Variants in SNX29 observed in about 807,000 individuals in gnomAD.
The protein encoded by SNX29 is sorting nexin 29.
Under a neutral mutation model 102.1 loss-of-function variants are expected in SNX29, and 78 were observed. The ratio of observed to expected loss-of-function variants is 0.76; its 90% CI spans 0.64 to 0.92. The LOEUF is 0.92. SNX29 is among the 40% of genes least tolerant of loss of function. The pLI is 0.00. For synonymous variants in SNX29, 580 were observed against 414.5 expected (o/e 1.40, Z -4.85); for missense variants, 1,280 against 1,061.7 (o/e 1.21, Z -2.86).
At chr16:12,526,828 C>G (rs1597745149) in intron 20 of SNX29, 1 of 403,902 alleles carries the variant, frequency 2.5e-6, no homozygotes, top group African/African-American at 2.0e-5. Flanking sequence ...CCAGTGTTTC[C>G]CAAACATTCG....
intron 18 of SNX29, among the ~76,000 whole-genome samples, chr16:12,455,197 G>C (rs896997942): frequency 9.9e-5 from 15 of 152,056 alleles, no homozygotes; most frequent in African/African-American, 3.6e-4. Flanking sequence ...GCTCCAAGAC[G>C]CCCTTCTCCT....
intron 2 of SNX29, among the ~76,000 whole-genome samples, chr16:11,999,718 A>G (rs867957951): frequency 4.6e-5 from 7 of 152,122 alleles, no homozygotes; most frequent in Non-Finnish European, 8.8e-5. Flanking sequence ...CCTGGCCAAC[A>G]TGGTGAAACC....
At chr16:12,026,004 G>C (rs2057180669) in intron 3 of SNX29, among the ~76,000 whole-genome samples, 1 of 152,182 alleles carries the variant, frequency 6.6e-6, no homozygotes, top group South Asian at 2.1e-4. Flanking sequence ...TTGATGAGAA[G>C]AGTAAAATAA....
intron 15 of SNX29, 110 bp downstream of exon 15, chr16:12,278,146 A>G (rs2079314549): frequency 3.5e-6 from 3 of 848,352 alleles, no homozygotes; most frequent in African/African-American, 3.4e-5. Flanking sequence ...CGACCAAGCA[A>G]CTCCTCAGCC....
chr16:12,472,529 C>CAAAAAAAAAAAAAACAA (rs1488378675), intron 18 of SNX29, among the ~76,000 whole-genome samples: 1 of 72,938 alleles, frequency 1.4e-5, no homozygotes, highest in African/African-American at 4.2e-5. Context: ...AAAAAAAAAC[C>CAAAAAAAAAAAAAACAA]AAAAAAAAAA....
chr16:12,557,016 C>CA (rs1555458246), intron 20 of SNX29, among the ~76,000 whole-genome samples: 3,084 of 11,496 alleles, frequency 0.27, 232 homozygotes, highest in South Asian at 0.46. Context: ...GGCTAATTTA[C>CA]CCCCCCCCCG....
chr16:12,069,955 G>GGCGAGA (rs200163428), intron 10 of SNX29, among the ~76,000 whole-genome samples: 2 of 151,702 alleles, frequency 1.3e-5, no homozygotes, highest in African/African-American at 4.8e-5. Flanking sequence ...TGGGATTACA[G>GGCGAGA]GCCACCGTGC....
intron 19 of SNX29, among the ~76,000 whole-genome samples, chr16:12,509,736 TAGTG>T (rs1169426814): frequency 6.6e-6 from 1 of 152,070 alleles, no homozygotes; most frequent in African/African-American, 2.4e-5. Flanking sequence ...CTGAGCAACA[TAGTG>T]AGAGCTTGCC....
chr16:12,111,769 C>T lies in SNX29; in HGVS notation c.1403-14864C>T, dbSNP rs541790148. The stretch of plus-strand genomic sequence containing the variant: ...TGGTTTAGGAAAGCCTGAGTGAGAG[C>T]GAGAGATCTTCAGGAGGCTGCTGGG... On this transcript the variant is annotated intron_variant, in intron 11 of 20. Coordinates refer to ENST00000566228, the MANE Select transcript of SNX29 (RefSeq NM_032167.5). Among the ~76,000 whole-genome samples the T allele has an allele frequency of 1.2e-4, 18 of 152,190 alleles. 1 individual carries two copies. In the East Asian group the frequency reaches 3.1e-3, roughly 26 times the overall value.
intron 20 of SNX29, chr16:12,546,252 C>G (rs901320974): frequency 6.6e-6 from 1 of 152,150 alleles, no homozygotes; most frequent in African/African-American, 2.4e-5. Context: ...TCTTTTCGAC[C>G]CTTCGTACAA....
intron 18 of SNX29, among the ~76,000 whole-genome samples, chr16:12,450,590 T>C (rs1019749063): frequency 1.3e-5 from 2 of 152,038 alleles, no homozygotes; most frequent in Non-Finnish European, 2.9e-5. Flanking sequence ...ACACACGGTG[T>C]GAGAGAAGGG....
chr16:12,476,351 CAAAAAAAAAA>C (rs150729550), intron 18 of SNX29, among the ~76,000 whole-genome samples: 11 of 9,046 alleles, frequency 1.2e-3, no homozygotes, highest in East Asian at 3.6e-3. Flanking sequence ...CGACATTTCT[CAAAAAAAAAA>C]AAAAAAAAAA....
At chr16:12,493,211 T>G (rs1009817387) in intron 19 of SNX29, among the ~76,000 whole-genome samples, 10 of 152,226 alleles carry the variant, frequency 6.6e-5, no homozygotes, top group Non-Finnish European at 1.2e-4. Context: ...TTTATTTCCT[T>G]GAGCAGTGGT....
chr16:11,997,236 T>A (rs1404174410), intron 1 of SNX29, among the ~76,000 whole-genome samples: 1 of 152,142 alleles, frequency 6.6e-6, no homozygotes, highest in Non-Finnish European at 1.5e-5. Flanking sequence ...GCCAAGCTTG[T>A]CCTACCTCCG....
At chr16:12,204,366 G>A (rs1015453903) in intron 14 of SNX29, among the ~76,000 whole-genome samples, 1 of 152,154 alleles carries the variant, frequency 6.6e-6, no homozygotes, top group African/African-American at 2.4e-5. Flanking sequence ...GTTCGTCCTT[G>A]TAAAGGGCGA....
intron 14 of SNX29, among the ~76,000 whole-genome samples, chr16:12,220,930 G>T (rs532344315): frequency 1.9e-4 from 29 of 152,268 alleles, no homozygotes; most frequent in Non-Finnish European, 4.3e-4. Context: ...TGGGAGAAGG[G>T]GGGTGGTAGC....
intron 18 of SNX29, among the ~76,000 whole-genome samples, chr16:12,454,452 C>A (rs968583407): frequency 6.6e-6 from 1 of 152,206 alleles, no homozygotes; most frequent in South Asian, 2.1e-4. Context: ...GCTGAGAGAA[C>A]TGCTGCCCAG....
chr16:12,462,016 T>TATATAC (rs1555544564), intron 18 of SNX29, among the ~76,000 whole-genome samples: 4 of 65,206 alleles, frequency 6.1e-5, no homozygotes, highest in Non-Finnish European at 7.3e-5. Context: ...TATATATGTA[T>TATATAC]ACACACACAC....
chr16:12,407,919 G>T (rs981880347), intron 18 of SNX29, among the ~76,000 whole-genome samples: 1 of 152,186 alleles, frequency 6.6e-6, no homozygotes, highest in African/African-American at 2.4e-5. Flanking sequence ...GTTTGAGCCT[G>T]CAGGGAGCTA....
Sources: allele counts gnomAD v4.1 joint callset (sites outside exome capture counted in the v4.1 genomes callset), GRCh38; gene constraint gnomAD v4.1.1; transcripts MANE v1.5; gene names NCBI Gene and HGNC (gene_info 2026-07-23, HGNC 2026-07-21).